SLCO3A1: variants seen among roughly 807,000 people sequenced by gnomAD.
The protein encoded by SLCO3A1 is PGE1 transporter.
SLCO3A1 carries 27 observed loss-of-function variants against 63.1 expected under a neutral mutation model. The observed-to-expected ratio is 0.43, with a 90% CI of 0.32 to 0.59. The LOEUF (loss-of-function observed/expected upper bound fraction) is 0.59. Among genes scored for constraint, SLCO3A1 ranks in the 20% least tolerant of loss-of-function variants. The pLI, the probability that SLCO3A1 is intolerant of heterozygous loss-of-function variation, is 0.09. For synonymous variants in SLCO3A1, 473 were observed against 409.9 expected (o/e 1.15, Z -1.86); for missense variants, 773 against 945.8 (o/e 0.82, Z 2.40).
intron 2 of SLCO3A1, among the ~76,000 whole-genome samples, chr15:91,933,544 G>C (rs1814813559): frequency 6.6e-6 from 1 of 152,086 alleles, no homozygotes; most frequent in Admixed American, 6.6e-5. Flanking sequence ...AAAAATCACA[G>C]AATATTGCAG....
intron 2 of SLCO3A1, among the ~76,000 whole-genome samples, chr15:91,991,052 A>C (rs907480211): frequency 6.6e-6 from 1 of 152,040 alleles, no homozygotes; most frequent in Non-Finnish European, 1.5e-5. Flanking sequence ...TTTTAAAAAG[A>C]ATGCAGGGTA....
At position 92,008,681 on chromosome 15, in the gene SLCO3A1, C is replaced by T. The variant is rs562247071; in HGVS notation, c.647-86200C>T. On this transcript the variant is annotated intron_variant, in intron 2 of 9. Transcript: ENST00000318445. Reference sequence around the variant, plus strand: ...GTAGAACATAAGGGTTTTATACACACATGCACAGAGATAGGTATAAGTTGT... The same window carrying T: ...GTAGAACATAAGGGTTTTATACACATATGCACAGAGATAGGTATAAGTTGT... Among the ~76,000 whole-genome samples, 4 of 152,292 alleles carry T rather than the reference C, an allele frequency of 2.6e-5. 1 individual carries two copies. In the South Asian group the frequency reaches 8.3e-4, roughly 32 times the overall value.
chr15:91,948,080 G>C lies in SLCO3A1; in HGVS notation c.646+31622G>C, dbSNP rs1899871689. Among the ~76,000 whole-genome samples the C allele has an allele frequency of 6.6e-6, 1 of 152,216 alleles. No individual in the cohort carries two copies. The highest frequency in any genetic ancestry group is 6.5e-5 in the Admixed American group (1 of 15,288). On this transcript the variant is annotated intron_variant, in intron 2 of 9. Coordinates refer to ENST00000318445, the MANE Select transcript of SLCO3A1 (RefSeq NM_013272.4). This position sits in a 1 kb window ranked among gnomAD's most constrained non-coding sequence, Gnocchi z 4.8. ...CAGATAGACGAATGGAGATAAAATA[G>C]AGATTGACTTCTGCATTCCTTGCTC...
chr15:92,148,642 G>A (rs1021931793), intron 8 of SLCO3A1: 8 of 152,192 alleles, frequency 5.3e-5, no homozygotes, highest in Non-Finnish European at 1.0e-4. Flanking sequence ...CAATATGACA[G>A]TGTGCGTCAA....
chr15:91,909,860 C>A (rs1479936787), intron 1 of SLCO3A1, among the ~76,000 whole-genome samples: 1 of 152,208 alleles, frequency 6.6e-6, no homozygotes, highest in Non-Finnish European at 1.5e-5. Context: ...GCCACAGGGG[C>A]CTTTCCTTGC....
intron 1 of SLCO3A1, among the ~76,000 whole-genome samples, chr15:91,906,363 T>C (rs1273188388): frequency 1.3e-5 from 2 of 152,226 alleles, no homozygotes; most frequent in African/African-American, 4.8e-5. Flanking sequence ...TTCCCTGTTT[T>C]CATAGTTGTT....
intron 2 of SLCO3A1, among the ~76,000 whole-genome samples, chr15:91,920,056 C>T (rs1898792617): frequency 6.6e-6 from 1 of 152,102 alleles, no homozygotes; most frequent in African/African-American, 2.4e-5. Flanking sequence ...TATATAATCC[C>T]TTCTGAATAT....
intron 2 of SLCO3A1, among the ~76,000 whole-genome samples, chr15:91,920,544 T>C (rs1326951717): frequency 1.3e-5 from 2 of 152,198 alleles, no homozygotes; most frequent in Admixed American, 6.5e-5. Flanking sequence ...CCCTGTTTCA[T>C]AGTGCTTTGA....
chr15:92,021,827 G>A (rs1244131470), intron 2 of SLCO3A1, among the ~76,000 whole-genome samples: 1 of 152,070 alleles, frequency 6.6e-6, no homozygotes, highest in Non-Finnish European at 1.5e-5. Flanking sequence ...GAGAACCCAG[G>A]GCTAGGGACG....
intron 1 of SLCO3A1, among the ~76,000 whole-genome samples, chr15:91,904,309 C>G (rs1364107791): frequency 6.6e-6 from 1 of 152,172 alleles, no homozygotes; most frequent in Non-Finnish European, 1.5e-5. Context: ...AAGTAGGAAA[C>G]TGTTTTACTC....
intron 2 of SLCO3A1, among the ~76,000 whole-genome samples, chr15:92,068,565 T>G (rs1181536317): frequency 6.6e-6 from 1 of 152,172 alleles, no homozygotes; most frequent in Non-Finnish European, 1.5e-5. Flanking sequence ...CTAGAGAAAT[T>G]TTTAAAAATT....
intron 2 of SLCO3A1, among the ~76,000 whole-genome samples, chr15:91,932,451 G>GTTT (rs559551525): frequency 6.9e-6 from 1 of 145,766 alleles, no homozygotes; most frequent in Non-Finnish European, 1.5e-5. Flanking sequence ...TTTATTAGCA[G>GTTT]TTTTTTTTTT....
Position 91,885,025 on chromosome 15 carries a change from A to G in SLCO3A1, c.180+30937A>G, listed in dbSNP as rs1897688908. Among the ~76,000 whole-genome samples, 1 of 152,136 alleles carries G rather than the reference A, an allele frequency of 6.6e-6. No homozygotes were observed. Among genetic ancestry groups the G allele is most frequent in the African/African-American group, 2.4e-5 (1 of 41,428 alleles). On this transcript the variant is annotated intron_variant, in intron 1 of 9. Transcript: ENST00000318445. This position sits in a 1 kb window ranked among gnomAD's most constrained non-coding sequence, Gnocchi z 4.7. Reference sequence around the variant, plus strand: ...TGAATCAGGAAAGCTTTCTGGGGAAAGGAGTTGTGTGGGTTCTCCAATTCT... The same window carrying G: ...TGAATCAGGAAAGCTTTCTGGGGAAGGGAGTTGTGTGGGTTCTCCAATTCT...
intron 2 of SLCO3A1, among the ~76,000 whole-genome samples, chr15:92,011,551 G>A (rs572756959): frequency 6.6e-6 from 1 of 152,044 alleles, no homozygotes; most frequent in Non-Finnish European, 1.5e-5. Flanking sequence ...GGCTTACCTG[G>A]GTCACCCTAT....
rs74520397 is a variant in SLCO3A1, at chr15:92,102,322, C to G, written c.746-1957C>G. Among the ~76,000 whole-genome samples the G allele has an allele frequency of 2.9e-3, 448 of 152,274 alleles. 1 individual carries two copies. The highest frequency in any genetic ancestry group is 0.01 in the African/African-American group (418 of 41,550). On this transcript the variant is annotated intron_variant, in intron 3 of 9. Coordinates refer to ENST00000318445, the MANE Select transcript of SLCO3A1 (RefSeq NM_013272.4). ...CAAGATCACCTTGTGTTTTCCCATGCTGTACCCTTTTTTAAAAAGATCCCT... is the reference window on the plus strand; with the variant it reads ...CAAGATCACCTTGTGTTTTCCCATGGTGTACCCTTTTTTAAAAAGATCCCT...
intron 9 of SLCO3A1, among the ~76,000 whole-genome samples, chr15:92,158,426 A>T (rs1051424145): frequency 6.6e-6 from 1 of 152,200 alleles, no homozygotes; most frequent in African/African-American, 2.4e-5. Flanking sequence ...GGAACAAATA[A>T]TCTCACTCTC....
At chr15:92,114,770 T>A (rs1040703672) in intron 4 of SLCO3A1, among the ~76,000 whole-genome samples, 9 of 152,150 alleles carry the variant, frequency 5.9e-5, no homozygotes, top group Non-Finnish European at 5.9e-5. Context: ...AAACAACTTT[T>A]ATAGATTCAA....
chr15:92,085,686 G>A (rs1045685153), intron 2 of SLCO3A1, among the ~76,000 whole-genome samples: 1 of 152,172 alleles, frequency 6.6e-6, no homozygotes, highest in Non-Finnish European at 1.5e-5. Flanking sequence ...CAGCTTACAC[G>A]TTGTTGTGAA....
At chr15:92,107,688 A>G (rs990895098) in intron 4 of SLCO3A1, among the ~76,000 whole-genome samples, 3 of 152,300 alleles carry the variant, frequency 2.0e-5, no homozygotes, top group East Asian at 3.9e-4. Flanking sequence ...GCCCCCTGCC[A>G]TGCTCTGCAG....
Sources: gnomAD v4.1 joint callset for allele counts (sites outside exome capture counted in the v4.1 genomes callset) on GRCh38, gnomAD v4.1.1 for gene constraint, Gnocchi (gnomAD v3.1) non-coding constraint, MANE v1.5 for transcripts, NCBI Gene and HGNC (gene_info 2026-07-23, HGNC 2026-07-21) for gene names.